SPPL2B: variants seen among roughly 807,000 people sequenced by gnomAD.
SPPL2B encodes signal peptide peptidase like 2B, also known as signal peptide peptidase-like 2B.
SPPL2B carries 39 observed loss-of-function variants against 59.7 expected under a neutral mutation model. That is an observed-to-expected ratio of 0.65 (90% CI 0.51 to 0.85). The LOEUF (loss-of-function observed/expected upper bound fraction) is 0.85, where lower values mean the gene tolerates loss of function less well. Among genes scored for constraint, SPPL2B ranks in the 40% least tolerant of loss-of-function variants. The pLI, the probability that SPPL2B is intolerant of heterozygous loss-of-function variation, is 0.00. For missense variants in SPPL2B, 865 were observed against 849.0 expected, an observed-to-expected ratio of 1.02 and a Z score of -0.23; for synonymous variants, 419 against 370.8, an observed-to-expected ratio of 1.13 and a Z score of -1.49.
At chr19:2,331,887 A>G (rs949367927) in intron 1 of SPPL2B, among the ~76,000 whole-genome samples, 2 of 152,208 alleles carry the variant, frequency 1.3e-5, no homozygotes, top group Admixed American at 6.5e-5. Context: ...CTGTGTTCCA[A>G]TAAAACTTTA....
rs896013506 is a variant in SPPL2B at position 2,332,319 on chromosome 19, C to T, written c.67-2283C>T. Reference sequence around the variant, plus strand: ...TTGCATGATTTCAGTGATGAGGGCCCGGCTGTTGGAGAGCCCGTCTGTGCC... The same window carrying T: ...TTGCATGATTTCAGTGATGAGGGCCTGGCTGTTGGAGAGCCCGTCTGTGCC... On this transcript the variant is annotated intron_variant, in intron 1 of 14. Transcript: ENST00000613503. This position sits in a 1 kb window ranked among gnomAD's most constrained non-coding sequence, Gnocchi z 4.6. Among the ~76,000 whole-genome samples the T allele has an allele frequency of 2.0e-5, 3 of 152,172 alleles. No individual in the cohort carries two copies. The highest frequency in any genetic ancestry group is 3.8e-4 in the East Asian group (2 of 5,200).
chr19:2,347,079 G>A (rs1206515878), intron 13 of SPPL2B, among the ~76,000 whole-genome samples: 1 of 152,090 alleles, frequency 6.6e-6, no homozygotes, highest in African/African-American at 2.4e-5. Flanking sequence ...GTTCTCAGAG[G>A]GACTGGTCAT....
At chr19:2,350,353 C>A (rs1424808524) in intron 13 of SPPL2B, among the ~76,000 whole-genome samples, 6 of 139,056 alleles carry the variant, frequency 4.3e-5, no homozygotes, top group African/African-American at 1.6e-4. Context: ...TGCTCTCATT[C>A]GCTTGATTCC....
Position 2,337,545 on chromosome 19 carries a change from A to G in SPPL2B, c.289A>G (p.Asn97Asp), listed in dbSNP as rs767559763. 7 of 1,612,492 alleles carry G rather than the reference A, an allele frequency of 4.3e-6. No individual in the cohort carries two copies. The Admixed American group carries it at 1.2e-4, about 27-fold the overall frequency. Residue 97 changes from asparagine (N) to aspartate (D), a missense_variant, in exon 3 of 15, where the codon AAC becomes GAC. By Grantham distance (23) the Asn-to-Asp change is conservative (BLOSUM62 1). Coordinates refer to ENST00000613503, the MANE Select transcript of SPPL2B (RefSeq NM_152988.3). ...SNQIPLVARG[N>D]CTFYEKVRLA... Reference sequence around the variant, plus strand: ...CCAGATCCCGCTGGTGGCGCGGGGGAACTGCACCTTCTATGAGAAAGTGAG... The same window carrying G: ...CCAGATCCCGCTGGTGGCGCGGGGGGACTGCACCTTCTATGAGAAAGTGAG...
intron 13 of SPPL2B, among the ~76,000 whole-genome samples, chr19:2,350,745 T>G (rs1156779350): frequency 6.6e-6 from 1 of 152,220 alleles, no homozygotes; most frequent in Non-Finnish European, 1.5e-5. Flanking sequence ...CTATGGTGAT[T>G]TATGGTTTGG....
intron 13 of SPPL2B, among the ~76,000 whole-genome samples, chr19:2,348,290 TCC>T (rs199782008): frequency 2.6e-5 from 3 of 115,880 alleles, no homozygotes; most frequent in Non-Finnish European, 3.6e-5. Context: ...TTCCGTTCTC[TCC>T]CTCCACACAC....
At chr19:2,340,394 G>A in intron 7 of SPPL2B, 1 of 616,786 alleles carries the variant, frequency 1.6e-6, no homozygotes, top group South Asian at 1.8e-5. Context: ...GCGGGGGGAG[G>A]GTGCCCTTGT....
intron 8 of SPPL2B, chr19:2,341,563 A>G (rs1407232030): frequency 4.4e-6 from 2 of 453,812 alleles, no homozygotes; most frequent in Admixed American, 4.7e-5. Flanking sequence ...CCGTGTTGGG[A>G]GGACAGAGCT....
chr19:2,342,387 C>T (rs2145172115), intron 8 of SPPL2B: 1 of 152,424 alleles, frequency 6.6e-6, no homozygotes, highest in South Asian at 2.1e-4. Flanking sequence ...CACGGGGGCT[C>T]ATGCCTGTAA....
At chr19:2,336,459 G>A (rs1968619002) in intron 2 of SPPL2B, among the ~76,000 whole-genome samples, 1 of 151,926 alleles carries the variant, frequency 6.6e-6, no homozygotes, top group African/African-American at 2.4e-5. Context: ...GTGTGTTTGG[G>A]TTCGTGTGTG....
chr19:2,351,727 C>T (rs1019217038), intron 14 of SPPL2B, 133 bp downstream of exon 14: 138 of 1,252,950 alleles, frequency 1.1e-4, no homozygotes, highest in Non-Finnish European at 1.4e-4. Flanking sequence ...GTACCTTCTG[C>T]TTTGGGTGTC....
chr19:2,338,897 G>T, intron 4 of SPPL2B, 56 bp downstream of exon 4: 30 of 1,567,162 alleles, frequency 1.9e-5, no homozygotes, highest in Non-Finnish European at 2.5e-5. Context: ...AGGGGGCTTC[G>T]GGCTGGCTGC....
At chr19:2,347,403 A>ACT (rs1351527515) in intron 13 of SPPL2B, among the ~76,000 whole-genome samples, 1 of 27,498 alleles carries the variant, frequency 3.6e-5, no homozygotes, top group Non-Finnish European at 6.6e-5. Context: ...CTCTCCACAC[A>ACT]CGCGCTCTCA....
intron 8 of SPPL2B, chr19:2,341,494 C>T (rs1306901917): frequency 2.2e-6 from 1 of 445,808 alleles, no homozygotes; most frequent in African/African-American, 2.0e-5. Context: ...CCCACGTGGC[C>T]TGGACTTGTG....
At chr19:2,344,120 ATCACCCCGCCCCC>A in intron 10 of SPPL2B, 81 bp downstream of exon 10, 1 of 330,190 alleles carries the variant, frequency 3.0e-6, no homozygotes, top group Non-Finnish European at 4.4e-6. Flanking sequence ...CACCCCCCCC[ATCACCCCGCCCCC>A]TCGTCCCGCC....
At chr19:2,328,891 G>A in intron 1 of SPPL2B, 116 bp downstream of exon 1, 1 of 935,824 alleles carries the variant, frequency 1.1e-6, no homozygotes, top group Non-Finnish European at 1.4e-6. Flanking sequence ...CAGCCTCGGG[G>A]ATCCGCCGTC....
At chr19:2,338,939 AG>A in intron 4 of SPPL2B, 98 bp downstream of exon 4, 2 of 1,497,238 alleles carry the variant, frequency 1.3e-6, no homozygotes, top group Non-Finnish European at 1.8e-6. Context: ...TGGTGGGATC[AG>A]GGTGGTGGGT....
chr19:2,341,788 G>A (rs1278464505), intron 8 of SPPL2B: 4 of 368,060 alleles, frequency 1.1e-5, no homozygotes, highest in Admixed American at 3.1e-5. Context: ...AACTCGCTCC[G>A]TCACATGAAG....
chr19:2,350,068 A>ACT, intron 13 of SPPL2B, among the ~76,000 whole-genome samples: 1 of 110,584 alleles, frequency 9.0e-6, no homozygotes, highest in South Asian at 3.0e-4. Flanking sequence ...CCACACACTC[A>ACT]CGCGCTCTCA....
Sources: gnomAD v4.1 joint callset for allele counts (sites outside exome capture counted in the v4.1 genomes callset) on GRCh38, gnomAD v4.1.1 for gene constraint, Gnocchi (gnomAD v3.1) non-coding constraint, MANE v1.5 for transcripts, NCBI Gene and HGNC (gene_info 2026-07-23, HGNC 2026-07-21) for gene names.